FAM47E: variants seen among roughly 807,000 people sequenced by gnomAD.
FAM47E encodes the protein family with sequence similarity 47 member E, also known as protein FAM47E.
Under a neutral mutation model 41.6 loss-of-function variants are expected in FAM47E, and 32 were observed. The ratio of observed to expected loss-of-function variants is 0.77; its 90% CI spans 0.58 to 1.03. The LOEUF (loss-of-function observed/expected upper bound fraction) is 1.03, where lower values mean the gene tolerates loss of function less well. Ranked by LOEUF, FAM47E falls within the 50% of genes least tolerant of loss-of-function variation. The probability of loss-of-function intolerance (pLI) is 0.00; values close to 1 mark genes in which losing one functional copy is unlikely to be tolerated. For missense variants in FAM47E, 424 were observed against 485.4 expected (o/e 0.87, Z 1.19); for synonymous variants, 184 against 188.7 (o/e 0.98, Z 0.20).
At chr4:76,282,885 A>ATG (rs775438816) in intron 7 of FAM47E, 2 of 152,762 alleles carry the variant, frequency 1.3e-5, no homozygotes, top group Non-Finnish European at 2.9e-5. Flanking sequence ...ATATAAATAT[A>ATG]TGTGTGTGTA....
intron 2 of FAM47E, among the ~76,000 whole-genome samples, chr4:76,228,550 G>A (rs1733440161): frequency 6.6e-6 from 1 of 151,694 alleles, no homozygotes; most frequent in Admixed American, 6.6e-5. Flanking sequence ...CTGGCTTGTG[G>A]CAAATTCTCT....
chr4:76,283,165 AGT>A, intron 7 of FAM47E: 1 of 394,316 alleles, frequency 2.5e-6, no homozygotes, highest in Non-Finnish European at 4.7e-6. Flanking sequence ...GCACAGAACA[AGT>A]GTGAATTCCA....
Position 76,278,451 on chromosome 4 carries a change from T to C in FAM47E, c.1026+227T>C, listed in dbSNP as rs989423357. The C allele has an allele frequency of 3.0e-5, 13 of 440,628 alleles. No homozygotes were observed. In the South Asian group the frequency reaches 1.0e-3, roughly 34 times the overall value. 27.3% of individuals were successfully genotyped at this position (440,628 alleles called of 1,614,324 possible). Reference sequence around the variant, plus strand: ...GTGGTAGACATGACATCTCTAAAGATTGGACAGCTACTCATGCTATTCCAC... The same window carrying C: ...GTGGTAGACATGACATCTCTAAAGACTGGACAGCTACTCATGCTATTCCAC... On this transcript the variant is annotated intron_variant, in intron 6 of 7. Coordinates refer to ENST00000424749, the MANE Select transcript of FAM47E (RefSeq NM_001136570.3).
At position 76,278,059 on chromosome 4, in the gene FAM47E, C is replaced by T. The variant is rs1170184693; in HGVS notation, c.871-10C>T. The T allele has an allele frequency of 6.8e-7, 1 of 1,479,134 alleles. No individual in the cohort carries two copies. Among genetic ancestry groups the T allele is most frequent in the Non-Finnish European group, 8.9e-7 (1 of 1,118,286 alleles). The allele number at this position is 1,479,134 out of a possible 1,614,324, so 91.6% of individuals were successfully genotyped here. On this transcript the variant is annotated splice_polypyrimidine_tract_variant and intron_variant, in intron 5 of 7. Coordinates refer to ENST00000424749, the MANE Select transcript of FAM47E (RefSeq NM_001136570.3). ...ATCAATGGCACTGGGAATTATGTTA[C>T]TTTCCACAGAATCCTTATAAGCCAA...
chr4:76,266,511 C>T (rs1734642774), intron 3 of FAM47E, among the ~76,000 whole-genome samples: 3 of 152,172 alleles, frequency 2.0e-5, no homozygotes. Flanking sequence ...TCACCTTCTC[C>T]ACTACTACCA....
At chr4:76,267,021 TCC>T (rs34194940) in intron 3 of FAM47E, among the ~76,000 whole-genome samples, 36,333 of 151,938 alleles carry the variant, frequency 0.24, 4,776 homozygotes, top group African/African-American at 0.34. Context: ...TCACTCTCCA[TCC>T]CCCTCCTGTC....
At chr4:76,227,247 TTTTA>T (rs1211582051) in intron 2 of FAM47E, among the ~76,000 whole-genome samples, 1 of 152,192 alleles carries the variant, frequency 6.6e-6, no homozygotes, top group Non-Finnish European at 1.5e-5. Context: ...TCAAAGAATT[TTTTA>T]AATTTCCATT....
chr4:76,235,240 C>T (rs955951759), intron 2 of FAM47E, among the ~76,000 whole-genome samples: 2 of 152,088 alleles, frequency 1.3e-5, no homozygotes, highest in Non-Finnish European at 2.9e-5. Context: ...ATGGCGTGAC[C>T]CCGGGAGGCG....
chr4:76,271,732 G>A lies in FAM47E; in HGVS notation c.834G>A (p.Gln278=), dbSNP rs1334362849. The part of the protein sequence containing the change: ...LSKLQETEFF[Q]KLGYERKLQK... The stretch of plus-strand genomic sequence containing the variant: ...AACTGCAGGAGACAGAGTTCTTCCA[G>A]AAACTAGGCTATGAGAGGAAACTCC... The change falls in exon 5 of 8, where the codon CAG becomes CAA. Residue 278 remains glutamine, a synonymous_variant. Transcript: ENST00000424749. 3 of 1,551,512 alleles carry A rather than the reference G, an allele frequency of 1.9e-6. No homozygotes were observed. The highest frequency in any genetic ancestry group is 2.0e-5 in the Admixed American group (1 of 50,972).
chr4:76,244,767 T>A (rs2109994396), intron 2 of FAM47E, among the ~76,000 whole-genome samples: 1 of 152,218 alleles, frequency 6.6e-6, no homozygotes, highest in African/African-American at 2.4e-5. Flanking sequence ...CTTGAACTCC[T>A]GGCCTCGTGA....
chr4:76,234,033 G>T (rs1733538527), intron 2 of FAM47E, among the ~76,000 whole-genome samples: 2 of 152,210 alleles, frequency 1.3e-5, no homozygotes, highest in East Asian at 3.8e-4. Flanking sequence ...ATTGCTGCGG[G>T]TCAGAGATGG....
chr4:76,250,247 C>G (rs1231637214), upstream of FAM47E, among the ~76,000 whole-genome samples: 2 of 152,104 alleles, frequency 1.3e-5, no homozygotes, highest in Non-Finnish European at 2.9e-5. Context: ...TTGATTATGG[C>G]CAGTTTTGCT....
At chr4:76,236,120 T>A (rs920534937) in intron 2 of FAM47E, 11 of 148,168 alleles carry the variant, frequency 7.4e-5, no homozygotes, top group Admixed American at 6.0e-4. Flanking sequence ...ATTTTTTGTG[T>A]TTTTTTTTAG....
intron 7 of FAM47E, chr4:76,281,329 T>C (rs1338856768): frequency 6.6e-6 from 1 of 152,166 alleles, no homozygotes; most frequent in African/African-American, 2.4e-5. Context: ...GAGCATGAGA[T>C]GGAGATTTGA....
At chr4:76,282,228 A>T (rs1446710972) in intron 7 of FAM47E, 1 of 152,202 alleles carries the variant, frequency 6.6e-6, no homozygotes, top group Non-Finnish European at 1.5e-5. Context: ...GGTTACAAAC[A>T]ATCCATGGAA....
chr4:76,246,438 G>C (rs542203533), intron 2 of FAM47E, among the ~76,000 whole-genome samples: 75 of 152,028 alleles, frequency 4.9e-4, no homozygotes, highest in Non-Finnish European at 9.6e-4. Context: ...GCAGACTTTA[G>C]GGTGCCCTAG....
intron 2 of FAM47E, among the ~76,000 whole-genome samples, chr4:76,245,273 G>A (rs1465580969): frequency 6.6e-6 from 1 of 152,146 alleles, no homozygotes; most frequent in Non-Finnish European, 1.5e-5. Flanking sequence ...TTAATGCAGG[G>A]AATAGTTACA....
upstream of FAM47E, chr4:76,251,608 C>T: frequency 7.4e-7 from 1 of 1,344,204 alleles, no homozygotes; most frequent in South Asian, 1.9e-5. Context: ...GGGGTTGGAC[C>T]GCGCAGCGGG....
intron 2 of FAM47E, among the ~76,000 whole-genome samples, chr4:76,244,422 A>G (rs1170864360): frequency 6.6e-6 from 1 of 151,644 alleles, no homozygotes; most frequent in Non-Finnish European, 1.5e-5. Flanking sequence ...TGACTTTTTA[A>G]TGATCATCAT....
Sources: gnomAD v4.1 joint callset for allele counts (sites outside exome capture counted in the v4.1 genomes callset) on GRCh38, gnomAD v4.1.1 for gene constraint, MANE v1.5 for transcripts, NCBI Gene and HGNC (gene_info 2026-07-23, HGNC 2026-07-21) for gene names.